The following PABPC1 variants were observed in gnomAD, a reference collection of about 807,000 sequenced individuals.
PABPC1 encodes the protein poly(A) binding protein cytoplasmic 1.
PABPC1 carries 4 observed loss-of-function variants against 74.0 expected under a neutral mutation model. The ratio of observed to expected loss-of-function variants is 0.05; its 90% CI spans 0.03 to 0.12. The LOEUF (loss-of-function observed/expected upper bound fraction) is 0.12. PABPC1 is among the 10% of genes least tolerant of loss of function. The pLI is 1.00. For synonymous variants in PABPC1, 227 were observed against 264.1 expected, an observed-to-expected ratio of 0.86 and a Z score of 1.36; for missense variants, 271 against 821.1, an observed-to-expected ratio of 0.33 and a Z score of 8.19.
At chr8:100,706,453 C>T (rs990399461) in intron 11 of PABPC1, among the ~76,000 whole-genome samples, 198 bp downstream of exon 11, 5 of 152,146 alleles carry the variant, frequency 3.3e-5, no homozygotes, top group African/African-American at 1.2e-4. Context: ...GCCACCACAC[C>T]CAGCTAGTTT....
At chr8:100,709,786 A>C (rs1810480502) in intron 7 of PABPC1, 55 bp from the exon 8 acceptor site, 2 of 1,496,190 alleles carry the variant, frequency 1.3e-6, no homozygotes, top group Non-Finnish European at 1.8e-6. Context: ...GGAGCAAAAA[A>C]AGAGCGTTAC....
intron 1 of PABPC1, among the ~76,000 whole-genome samples, 162 bp from the exon 2 acceptor site, chr8:100,718,442 C>G (rs187168382): frequency 1.3e-5 from 2 of 152,216 alleles, no homozygotes; most frequent in Admixed American, 6.5e-5. Flanking sequence ...GTATCACACA[C>G]TAGTGTGGGA....
chr8:100,704,213 T>C, intron 14 of PABPC1, 84 bp downstream of exon 14: 2 of 1,009,040 alleles, frequency 2.0e-6, no homozygotes, highest in South Asian at 1.3e-5. Context: ...TCTTTTGCTA[T>C]GTACATTTCA....
At chr8:100,716,466 T>TA (rs1271123261) in intron 3 of PABPC1, among the ~76,000 whole-genome samples, 1 of 152,166 alleles carries the variant, frequency 6.6e-6, no homozygotes, top group African/African-American at 2.4e-5. Context: ...CATATTATAA[T>TA]ACACAGCAAA....
At chr8:100,720,618 T>C (rs190130056) in intron 1 of PABPC1, among the ~76,000 whole-genome samples, 1 of 152,324 alleles carries the variant, frequency 6.6e-6, no homozygotes, top group East Asian at 1.9e-4. Flanking sequence ...AAAATTTGAC[T>C]AAAAATGGTC....
At chr8:100,710,337 A>AATAT (rs1237151054) in intron 7 of PABPC1, among the ~76,000 whole-genome samples, 2 of 152,228 alleles carry the variant, frequency 1.3e-5, no homozygotes, top group Non-Finnish European at 2.9e-5. Flanking sequence ...CTAGGCCAGC[A>AATAT]ATATATATAA....
chr8:100,712,922 G>A, intron 5 of PABPC1, 133 bp from the exon 6 acceptor site: 1 of 1,195,692 alleles, frequency 8.4e-7, no homozygotes. Context: ...TCAAGGTTTT[G>A]GGACAATATA....
intron 3 of PABPC1, 50 bp from the exon 4 acceptor site, chr8:100,715,651 C>T: frequency 7.2e-7 from 1 of 1,380,318 alleles, no homozygotes; most frequent in South Asian, 1.4e-5. Context: ...TTATAAAGTT[C>T]AGATTAAGTA....
In PABPC1 at chr8:100,721,669, G is replaced by A; in HGVS notation, c.-86C>T. 2.6e-6 allele frequency: 3 copies of A among 1,167,846 alleles called. No individual in the cohort carries two copies. Among genetic ancestry groups the A allele is most frequent in the African/African-American group, 1.6e-5 (1 of 63,196 alleles). 72.3% of individuals were successfully genotyped at this position (1,167,846 alleles called of 1,614,324 possible). On this transcript the variant is annotated 5_prime_UTR_variant, in exon 1 of 15. Coordinates refer to ENST00000318607, the MANE Select transcript of PABPC1 (RefSeq NM_002568.4). The surrounding 1 kb of genome is among the most constrained non-coding windows in gnomAD (Gnocchi z 7.4). ...GTGCCGGGGCTGGGGGCCGGAGCCG[G>A]GGGGAGGGGAGCGGGGAGCAAGCGC...
In PABPC1 at chr8:100,721,708, TC is replaced by T; in HGVS notation, c.-126del. 1 of 802,436 alleles carries T rather than the reference TC, an allele frequency of 1.2e-6. No individual in the cohort carries two copies. The highest frequency in any genetic ancestry group is 2.3e-5 in the South Asian group (1 of 43,134). 49.7% of individuals were successfully genotyped at this position (802,436 alleles called of 1,614,324 possible). ...GGGAGCAAGCGCAGAGGGACAAAAATCAACCGGAATTGAAAACTACTCAACG... is the reference window on the plus strand; with the variant it reads ...GGGAGCAAGCGCAGAGGGACAAAAATAACCGGAATTGAAAACTACTCAACG... On this transcript the variant is annotated 5_prime_UTR_variant, in exon 1 of 15. Transcript: ENST00000318607. The surrounding 1 kb of genome is among the most constrained non-coding windows in gnomAD (Gnocchi z 7.4).
intron 9 of PABPC1, among the ~76,000 whole-genome samples, chr8:100,708,437 A>C (rs941901465): frequency 6.6e-6 from 1 of 152,158 alleles, no homozygotes; most frequent in Non-Finnish European, 1.5e-5. Context: ...GACTAGAAGA[A>C]AGAGTGAGAC....
chr8:100,720,491 T>C lies in PABPC1; in HGVS notation c.193+900A>G, dbSNP rs141281103. Among the ~76,000 whole-genome samples, 3 of 152,314 alleles carry C rather than the reference T, an allele frequency of 2.0e-5. No individual in the cohort carries two copies. In the East Asian group the frequency reaches 5.8e-4, roughly 29 times the overall value. On this transcript the variant is annotated intron_variant, in intron 1 of 14. Coordinates refer to ENST00000318607, the MANE Select transcript of PABPC1 (RefSeq NM_002568.4). Reference sequence around the variant, plus strand: ...TGGTCCAGTTGGAATTACACTAAAGTAACATTTTATAGCCAAAGTTGACTA... The same window carrying C: ...TGGTCCAGTTGGAATTACACTAAAGCAACATTTTATAGCCAAAGTTGACTA...
intron 3 of PABPC1, among the ~76,000 whole-genome samples, chr8:100,717,311 G>A (rs1810696841): frequency 6.6e-6 from 1 of 152,178 alleles, no homozygotes; most frequent in Admixed American, 6.5e-5. Flanking sequence ...GCCCGGACTT[G>A]TGAGTAATGT....
intron 3 of PABPC1, 72 bp downstream of exon 3, chr8:100,717,696 ATTAAC>A: frequency 1.1e-6 from 1 of 887,570 alleles, no homozygotes; most frequent in Admixed American, 2.6e-5. Context: ...CCTGACAAAT[ATTAAC>A]TTAAAATGAA....
rs541884463 is a variant in PABPC1 at position 100,714,153 on chromosome 8, A to G, written c.644-972T>C. Among the ~76,000 whole-genome samples the G allele has an allele frequency of 7.2e-5, 11 of 152,350 alleles. No individual in the cohort carries two copies. In the South Asian group the frequency reaches 2.3e-3, roughly 32 times the overall value. On this transcript the variant is annotated intron_variant, in intron 4 of 14. Coordinates refer to ENST00000318607, the MANE Select transcript of PABPC1 (RefSeq NM_002568.4). Reference sequence around the variant, plus strand: ...TTCTTCTGAATGTGCCTCTCTCCTGAGGCCAAAGTCAAGAAAATATGACAT... The same window carrying G: ...TTCTTCTGAATGTGCCTCTCTCCTGGGGCCAAAGTCAAGAAAATATGACAT...
intron 14 of PABPC1, 106 bp from the exon 15 acceptor site, chr8:100,703,465 T>TG (rs1360733721): frequency 6.6e-6 from 1 of 152,344 alleles, no homozygotes; most frequent in Non-Finnish European, 1.5e-5. Flanking sequence ...ATAGTTTTAC[T>TG]GGAACACAGC....
In PABPC1 at chr8:100,717,875, T is replaced by G; in HGVS notation, c.401A>C (p.Glu134Ala). 3.1e-6 allele frequency: 5 copies of G among 1,612,112 alleles called. No individual in the cohort carries two copies. Among genetic ancestry groups the G allele is most frequent in the Non-Finnish European group, 4.2e-6 (5 of 1,178,282 alleles). ...AAATCCATAGCCCTTGGAACCATTT[T>G]CATCACAAACCACCTAGGGAAAAAC... ...NILSCKVVCDENGSKGYGFVH... is the reference protein window; with the variant it reads ...NILSCKVVCDANGSKGYGFVH... The change falls in exon 3 of 15, where the codon GAA becomes GCA. Residue 134 changes from glutamate to alanine, a missense_variant. Physicochemically the swap from Glu to Ala is moderately radical, Grantham distance 107 (BLOSUM62 -1). Coordinates refer to ENST00000318607, the MANE Select transcript of PABPC1 (RefSeq NM_002568.4).
Position 100,721,946 on chromosome 8 carries a change from G to A in PABPC1, c.-363C>T, listed in dbSNP as rs1015025196. 4.8e-6 allele frequency: 1 copy of A among 206,772 alleles called. No individual in the cohort carries two copies. The highest frequency in any genetic ancestry group is 2.3e-5 in the African/African-American group (1 of 43,672). The allele number at this position is 206,772 out of a possible 1,614,324, so 12.8% of individuals were successfully genotyped here. A position where few individuals can be genotyped will look rare whatever the true frequency, so the allele number is the denominator to read the frequency against. ...AAAAAAATAAAAGTCTCCGGCGGGG[G>A]AGACGCGGATTTTTTGTAAATTTTT... On this transcript the variant is annotated 5_prime_UTR_variant, in exon 1 of 15. Transcript: ENST00000318607. This position sits in a 1 kb window ranked among gnomAD's most constrained non-coding sequence, Gnocchi z 7.4.
intron 3 of PABPC1, among the ~76,000 whole-genome samples, chr8:100,716,153 C>T (rs895528306): frequency 6.6e-6 from 1 of 152,194 alleles, no homozygotes; most frequent in African/African-American, 2.4e-5. Flanking sequence ...CCTGTAATCC[C>T]AGCACTTTGC....
Sources: gnomAD v4.1 joint callset for allele counts (sites outside exome capture counted in the v4.1 genomes callset) on GRCh38, gnomAD v4.1.1 for gene constraint, Gnocchi (gnomAD v3.1) non-coding constraint, MANE v1.5 for transcripts, NCBI Gene and HGNC (gene_info 2026-07-23, HGNC 2026-07-21) for gene names.